MCTP1: variants seen among roughly 807,000 people sequenced by gnomAD.
The protein encoded by MCTP1 is multiple C2 and transmembrane domain containing 1.
A neutral mutation model predicts 120.6 loss-of-function variants in MCTP1; 69 were observed. The observed-to-expected ratio is 0.57, with a 90% CI of 0.47 to 0.70. The LOEUF (loss-of-function observed/expected upper bound fraction) is 0.70, where lower values mean the gene tolerates loss of function less well. Ranked by LOEUF, MCTP1 falls within the 30% of genes least tolerant of loss-of-function variation. The probability of loss-of-function intolerance (pLI) is 0.00; values close to 1 mark genes in which losing one functional copy is unlikely to be tolerated. For missense variants in MCTP1, 1,203 were observed against 1,248.8 expected, an observed-to-expected ratio of 0.96 and a Z score of 0.55; for synonymous variants, 529 against 493.1, an observed-to-expected ratio of 1.07 and a Z score of -0.96.
intron 2 of MCTP1, among the ~76,000 whole-genome samples, chr5:95,016,759 A>C (rs1044911952): frequency 6.6e-6 from 1 of 152,082 alleles, no homozygotes; most frequent in Non-Finnish European, 1.5e-5. Context: ...TCCTGGGTTC[A>C]AGAAATCCCT....
intron 1 of MCTP1, among the ~76,000 whole-genome samples, chr5:95,238,858 G>A (rs1011543174): frequency 1.3e-5 from 2 of 152,072 alleles, no homozygotes; most frequent in Admixed American, 6.6e-5. Context: ...AGCACACCGC[G>A]TATATGCAGC....
At chr5:95,114,744 C>T (rs1047052913) in intron 1 of MCTP1, among the ~76,000 whole-genome samples, 1 of 152,242 alleles carries the variant, frequency 6.6e-6, no homozygotes, top group African/African-American at 2.4e-5. Flanking sequence ...CTTGCCAGAA[C>T]ACAAGCCTAG....
chr5:95,129,539 T>A (rs1341874691), intron 1 of MCTP1, among the ~76,000 whole-genome samples: 2 of 152,278 alleles, frequency 1.3e-5, no homozygotes, highest in Non-Finnish European at 2.9e-5. Context: ...TGAGTATGTC[T>A]GTGAGTACAT....
intron 1 of MCTP1, among the ~76,000 whole-genome samples, chr5:95,094,581 A>G (rs998347157): frequency 6.6e-6 from 1 of 152,212 alleles, no homozygotes; most frequent in South Asian, 2.1e-4. Flanking sequence ...ATTTTCACTT[A>G]CAAATTGAGA....
intron 19 of MCTP1, among the ~76,000 whole-genome samples, chr5:94,728,665 A>C (rs1482698156): frequency 2.0e-5 from 3 of 152,218 alleles, no homozygotes; most frequent in African/African-American, 7.2e-5. Flanking sequence ...AGCAACTGGC[A>C]TGCTAATAGA....
At chr5:95,090,737 G>A (rs367623536) in intron 1 of MCTP1, among the ~76,000 whole-genome samples, 1 of 152,042 alleles carries the variant, frequency 6.6e-6, no homozygotes, top group South Asian at 2.1e-4. Context: ...ACCCAACCTA[G>A]GATGACATCT....
At chr5:95,056,484 A>G (rs1034253076) in intron 1 of MCTP1, among the ~76,000 whole-genome samples, 2 of 152,228 alleles carry the variant, frequency 1.3e-5, no homozygotes, top group Non-Finnish European at 2.9e-5. Context: ...ATGACATTTT[A>G]AAACATAAAA....
At chr5:95,108,282 G>C (rs946323229) in intron 1 of MCTP1, among the ~76,000 whole-genome samples, 1 of 152,180 alleles carries the variant, frequency 6.6e-6, no homozygotes, top group African/African-American at 2.4e-5. Flanking sequence ...TGCGTTACAA[G>C]AGTGGCTAGC....
At chr5:95,162,367 C>T (rs1213244680) in intron 1 of MCTP1, among the ~76,000 whole-genome samples, 1 of 152,046 alleles carries the variant, frequency 6.6e-6, no homozygotes, top group Non-Finnish European at 1.5e-5. Flanking sequence ...CAAGATTTTT[C>T]AACACTTCTT....
At chr5:94,881,784 T>C (rs763402946) in intron 12 of MCTP1, among the ~76,000 whole-genome samples, 2 of 152,182 alleles carry the variant, frequency 1.3e-5, no homozygotes, top group South Asian at 2.1e-4. Context: ...GCTCAGTAAA[T>C]GTTAGTTGTC....
intron 1 of MCTP1, among the ~76,000 whole-genome samples, chr5:95,212,538 A>C (rs1160140922): frequency 2.6e-5 from 4 of 152,188 alleles, no homozygotes; most frequent in Non-Finnish European, 4.4e-5. Flanking sequence ...ACTGATACCA[A>C]AGCCGCGCAC....
intron 2 of MCTP1, among the ~76,000 whole-genome samples, chr5:94,993,850 T>C (rs1832081897): frequency 6.6e-6 from 1 of 152,184 alleles, no homozygotes; most frequent in African/African-American, 2.4e-5. Flanking sequence ...TAAATTGGCC[T>C]GCAAAGGGCC....
In MCTP1 at chr5:95,284,260, G is replaced by T. The variant is rs1164589108; in HGVS notation, c.316C>A (p.Pro106Thr). 6.3e-7 allele frequency: 1 copy of T among 1,591,670 alleles called. No homozygotes were observed. Among genetic ancestry groups the T allele is most frequent in the South Asian group, 1.1e-5 (1 of 90,098 alleles). Residue 106 changes from proline (P) to threonine (T), a missense_variant, in exon 1 of 23, where the codon CCC (proline) becomes ACC (threonine). Physicochemically the swap from Pro to Thr is conservative, Grantham distance 38. Coordinates refer to ENST00000515393, the MANE Select transcript of MCTP1 (RefSeq NM_024717.7). This position sits in a 1 kb window ranked among gnomAD's most constrained non-coding sequence, Gnocchi z 5.2. ...CTGCCGGCGCCGCCGGGCTCCAGGG[G>T]CTCCGGCGACGAGCAGCACAGGTTG... ...QPNLCCSSPEPLEPGGAGRAE... is the reference protein window; with the variant it reads ...QPNLCCSSPETLEPGGAGRAE...
In MCTP1 at chr5:95,172,455, C is replaced by T. The variant is rs192593649; in HGVS notation, c.720+111401G>A. Reference sequence around the variant, plus strand: ...AAGCTGTCAGACAGGGACATTAATTCGTATTACTTCTAAGACTCCTTTCTG... The same window carrying T: ...AAGCTGTCAGACAGGGACATTAATTTGTATTACTTCTAAGACTCCTTTCTG... On this transcript the variant is annotated intron_variant, in intron 1 of 22. Coordinates refer to ENST00000515393, the MANE Select transcript of MCTP1 (RefSeq NM_024717.7). Among the ~76,000 whole-genome samples, 199 of 152,254 alleles carry T rather than the reference C, an allele frequency of 1.3e-3. 1 individual carries two copies. Among genetic ancestry groups the T allele is most frequent in the African/African-American group, 4.6e-3 (190 of 41,562 alleles).
chr5:95,283,196 A>G (rs1760461831), intron 1 of MCTP1, among the ~76,000 whole-genome samples: 1 of 152,264 alleles, frequency 6.6e-6, no homozygotes, highest in Non-Finnish European at 1.5e-5. Context: ...AACATGATGT[A>G]TAAAGCAGCA....
At chr5:95,077,409 T>C (rs1249463628) in intron 1 of MCTP1, among the ~76,000 whole-genome samples, 1 of 152,174 alleles carries the variant, frequency 6.6e-6, no homozygotes, top group African/African-American at 2.4e-5. Flanking sequence ...TGTAAATATA[T>C]ATGTATATAT....
intron 1 of MCTP1, among the ~76,000 whole-genome samples, chr5:95,168,344 T>C (rs1435527076): frequency 6.6e-6 from 1 of 152,198 alleles, no homozygotes. Context: ...CCTCCAACTT[T>C]GTTCTTTTGG....
intron 20 of MCTP1, among the ~76,000 whole-genome samples, chr5:94,712,747 T>A (rs1757527672): frequency 6.6e-6 from 1 of 151,984 alleles, no homozygotes; most frequent in African/African-American, 2.4e-5. Flanking sequence ...GATGGATACC[T>A]GTGCCTCCCT....
intron 6 of MCTP1, among the ~76,000 whole-genome samples, chr5:94,924,786 A>T (rs1371518420): frequency 6.6e-6 from 1 of 152,204 alleles, no homozygotes; most frequent in Non-Finnish European, 1.5e-5. Flanking sequence ...GTTTCAGGAA[A>T]CTGATGACAG....
Sources: gnomAD v4.1 joint callset for allele counts (sites outside exome capture counted in the v4.1 genomes callset) on GRCh38, gnomAD v4.1.1 for gene constraint, Gnocchi (gnomAD v3.1) non-coding constraint, MANE v1.5 for transcripts, NCBI Gene and HGNC (gene_info 2026-07-23, HGNC 2026-07-21) for gene names.